PCDH7: variants seen among roughly 807,000 people sequenced by gnomAD.
PCDH7 encodes protocadherin 7.
In PCDH7, 17 loss-of-function variants were observed where a neutral mutation model predicts 58.9. The ratio of observed to expected loss-of-function variants is 0.29; its 90% CI spans 0.20 to 0.43. The LOEUF (loss-of-function observed/expected upper bound fraction) is 0.43, where lower values mean the gene tolerates loss of function less well. Among genes scored for constraint, PCDH7 ranks in the 20% least tolerant of loss-of-function variants. The pLI, the probability that PCDH7 is intolerant of heterozygous loss-of-function variation, is 1.00. For missense variants in PCDH7, 1,274 were observed against 1,441.0 expected (o/e 0.88, Z 1.88); for synonymous variants, 664 against 616.4 (o/e 1.08, Z -1.14).
intron 3 of PCDH7, among the ~76,000 whole-genome samples, chr4:30,990,726 G>C (rs368540359): frequency 6.6e-6 from 1 of 152,128 alleles, no homozygotes; most frequent in South Asian, 2.1e-4. Flanking sequence ...AATGATATTA[G>C]CCTTCATCAT....
intron 3 of PCDH7, among the ~76,000 whole-genome samples, chr4:31,052,033 G>A (rs1027931970): frequency 6.6e-6 from 1 of 152,188 alleles, no homozygotes; most frequent in South Asian, 2.1e-4. Context: ...TCTGAATTAA[G>A]TGTTAAGGTT....
intron 3 of PCDH7, among the ~76,000 whole-genome samples, chr4:31,126,856 T>C (rs1433820480): frequency 6.6e-6 from 1 of 152,214 alleles, no homozygotes; most frequent in East Asian, 1.9e-4. Context: ...TTTATCTATT[T>C]GTTTCTGATA....
intron 1 of PCDH7, among the ~76,000 whole-genome samples, chr4:30,871,648 G>A (rs558987593): frequency 1.3e-5 from 2 of 152,186 alleles, no homozygotes; most frequent in South Asian, 2.1e-4. Context: ...GCTAATCTCT[G>A]CCTCTAAATA....
intron 1 of PCDH7, among the ~76,000 whole-genome samples, chr4:30,825,599 A>T (rs1729004252): frequency 1.3e-5 from 2 of 152,114 alleles, no homozygotes; most frequent in Admixed American, 6.6e-5. Flanking sequence ...CTGCTGCATT[A>T]CTGTGATGGT....
chr4:31,040,107 C>T (rs1033172460), intron 3 of PCDH7, among the ~76,000 whole-genome samples: 4 of 152,182 alleles, frequency 2.6e-5, no homozygotes, highest in East Asian at 1.9e-4. Context: ...GCATAATTTA[C>T]ATTCAGTTAA....
intron 1 of PCDH7, among the ~76,000 whole-genome samples, chr4:30,727,024 T>A (rs1714703415): frequency 6.6e-6 from 1 of 151,914 alleles, no homozygotes; most frequent in African/African-American, 2.4e-5. Context: ...TTAAACCTGA[T>A]GTTATAAAAG....
At chr4:30,919,620 A>G (rs998908732) in intron 1 of PCDH7, among the ~76,000 whole-genome samples, 3 of 152,202 alleles carry the variant, frequency 2.0e-5, no homozygotes, top group African/African-American at 7.2e-5. Context: ...TGTAATAAAC[A>G]TATTTGTGTT....
chr4:30,752,783 C>CAAAAAAAAAAAAAAAAAAAAAAAAAA (rs35860745), intron 1 of PCDH7, among the ~76,000 whole-genome samples: 4 of 99,552 alleles, frequency 4.0e-5, no homozygotes, highest in East Asian at 2.9e-4. Context: ...CCTGTAGGGG[C>CAAAAAAAAAAAAAAAAAAAAAAAAAA]AAAAAAAAAA....
At chr4:30,997,233 C>T (rs13145109) in intron 3 of PCDH7, among the ~76,000 whole-genome samples, 55,419 of 151,934 alleles carry the variant, frequency 0.36, 11,209 homozygotes, top group East Asian at 0.73. Flanking sequence ...ATTCTGTAAT[C>T]TATGACATTC....
At chr4:31,110,472 G>A (rs931325586) in intron 3 of PCDH7, among the ~76,000 whole-genome samples, 1 of 152,120 alleles carries the variant, frequency 6.6e-6, no homozygotes, top group African/African-American at 2.4e-5. Flanking sequence ...AGTTCCATTA[G>A]ATATAAAATA....
chr4:31,007,240 T>C (rs183389559), intron 3 of PCDH7, among the ~76,000 whole-genome samples: 203 of 152,170 alleles, frequency 1.3e-3, no homozygotes, highest in African/African-American at 4.7e-3. Context: ...TTGTAAATAC[T>C]CACTTGCATT....
intron 3 of PCDH7, among the ~76,000 whole-genome samples, chr4:31,008,904 CAG>C (rs1752975423): frequency 6.6e-6 from 1 of 151,978 alleles, no homozygotes; most frequent in Non-Finnish European, 1.5e-5. Flanking sequence ...CTCAAATTTG[CAG>C]AGTTATGTAA....
intron 1 of PCDH7, among the ~76,000 whole-genome samples, chr4:30,742,993 T>G (rs1218344004): frequency 6.6e-6 from 1 of 152,172 alleles, no homozygotes; most frequent in Non-Finnish European, 1.5e-5. Context: ...TCTCTGTTCT[T>G]TAATTAATTC....
intron 3 of PCDH7, among the ~76,000 whole-genome samples, chr4:31,116,041 C>A (rs997374143): frequency 2.0e-5 from 3 of 152,138 alleles, no homozygotes; most frequent in Middle Eastern, 3.4e-3. Flanking sequence ...TATTAAAATC[C>A]CTGTCTATAT....
chr4:30,970,045 T>C (rs1749417467), intron 3 of PCDH7, among the ~76,000 whole-genome samples: 1 of 152,186 alleles, frequency 6.6e-6, no homozygotes, highest in Admixed American at 6.5e-5. Flanking sequence ...GAGTTACTCA[T>C]TTTGCCTCAC....
chr4:30,968,049 T>A (rs1398290277), intron 3 of PCDH7, among the ~76,000 whole-genome samples: 1 of 151,986 alleles, frequency 6.6e-6, no homozygotes, highest in Non-Finnish European at 1.5e-5. Context: ...AGAATAGATG[T>A]AGTTCCTTGA....
intron 1 of PCDH7, among the ~76,000 whole-genome samples, chr4:30,788,279 A>G (rs1431144263): frequency 1.3e-5 from 2 of 152,140 alleles, no homozygotes; most frequent in Non-Finnish European, 2.9e-5. Context: ...TTTAAAGCAG[A>G]CTGACATGTT....
At chr4:30,891,806 T>C (rs1265421575) in intron 1 of PCDH7, among the ~76,000 whole-genome samples, 1 of 151,582 alleles carries the variant, frequency 6.6e-6, no homozygotes, top group African/African-American at 2.4e-5. Flanking sequence ...AGTTAAACTG[T>C]ACTCTCCAGG....
intron 3 of PCDH7, among the ~76,000 whole-genome samples, chr4:31,047,082 AT>A (rs1312834346): frequency 6.6e-6 from 1 of 151,972 alleles, no homozygotes; most frequent in African/African-American, 2.4e-5. Flanking sequence ...TAAAACACAA[AT>A]TTTTTGTTTG....
Sources: gnomAD v4.1 joint callset for allele counts (sites outside exome capture counted in the v4.1 genomes callset) on GRCh38, gnomAD v4.1.1 for gene constraint, MANE v1.5 for transcripts, NCBI Gene and HGNC (gene_info 2026-07-23, HGNC 2026-07-21) for gene names.